CNTN5: variants seen among roughly 807,000 people sequenced by gnomAD.
CNTN5 encodes the protein contactin-5.
CNTN5 carries 77 observed loss-of-function variants against 129.1 expected under a neutral mutation model. That is an observed-to-expected ratio of 0.60 (90% CI 0.50 to 0.72). The LOEUF is 0.72. CNTN5 is among the 30% of genes least tolerant of loss of function. The probability of loss-of-function intolerance (pLI) is 0.00; values close to 1 mark genes in which losing one functional copy is unlikely to be tolerated. For missense variants in CNTN5, 1,478 were observed against 1,328.8 expected (o/e 1.11, Z -1.75); for synonymous variants, 509 against 465.6 (o/e 1.09, Z -1.20).
At chr11:99,307,603 A>G (rs1037663146) in intron 1 of CNTN5, among the ~76,000 whole-genome samples, 20 of 152,144 alleles carry the variant, frequency 1.3e-4, no homozygotes, top group Non-Finnish European at 1.5e-5. Context: ...CTCTAATATC[A>G]TGATTCAATC....
chr11:100,100,968 C>G (rs1057010514), intron 13 of CNTN5, among the ~76,000 whole-genome samples: 2 of 151,996 alleles, frequency 1.3e-5, no homozygotes, highest in Admixed American at 1.3e-4. Flanking sequence ...TACAAATTAT[C>G]GAAAAGATGT....
At chr11:99,585,175 T>C (rs1218163697) in intron 3 of CNTN5, among the ~76,000 whole-genome samples, 1 of 152,250 alleles carries the variant, frequency 6.6e-6, no homozygotes, top group African/African-American at 2.4e-5. Context: ...TTTTACAGTA[T>C]GAAAAGTTCA....
intron 2 of CNTN5, among the ~76,000 whole-genome samples, chr11:99,424,651 C>A (rs1345597436): frequency 6.6e-6 from 1 of 152,224 alleles, no homozygotes; most frequent in Non-Finnish European, 1.5e-5. Flanking sequence ...CTTGGAGATG[C>A]CAGGAATGGC....
At chr11:99,421,691 T>C (rs1460945386) in intron 2 of CNTN5, among the ~76,000 whole-genome samples, 1 of 152,126 alleles carries the variant, frequency 6.6e-6, no homozygotes, top group Admixed American at 6.5e-5. Context: ...TAAATATACA[T>C]TTAGGGGTAA....
intron 1 of CNTN5, among the ~76,000 whole-genome samples, chr11:99,274,194 T>A (rs1863314986): frequency 6.6e-6 from 1 of 151,688 alleles, no homozygotes; most frequent in Non-Finnish European, 1.5e-5. Context: ...GGCTTAATAG[T>A]TTAGGAGCAG....
chr11:99,151,957 C>T (rs537215988), intron 1 of CNTN5, among the ~76,000 whole-genome samples: 2 of 151,952 alleles, frequency 1.3e-5, no homozygotes, highest in South Asian at 2.1e-4. Flanking sequence ...CCCCATGGTA[C>T]GTGTATACCT....
intron 1 of CNTN5, among the ~76,000 whole-genome samples, chr11:99,199,532 C>G (rs1591348243): frequency 6.6e-6 from 1 of 152,320 alleles, no homozygotes; most frequent in African/African-American, 2.4e-5. Context: ...AGAGCTGATA[C>G]AGGCTGATCT....
At chr11:99,649,196 A>G (rs1177577930) in intron 3 of CNTN5, among the ~76,000 whole-genome samples, 1 of 151,744 alleles carries the variant, frequency 6.6e-6, no homozygotes. Context: ...AATAAATAAT[A>G]TTGAAAAATA....
At position 99,961,128 on chromosome 11, in the gene CNTN5, C is replaced by G. The variant is rs1205140386; in HGVS notation, c.877+4119C>G. On this transcript the variant is annotated intron_variant, in intron 8 of 24. Transcript: ENST00000524871. ...GCTGAGACAGGAGAATCTCTGGAACCCGGGAGGCGGATGCTGCAGTGAGCC... is the reference window on the plus strand; with the variant it reads ...GCTGAGACAGGAGAATCTCTGGAACGCGGGAGGCGGATGCTGCAGTGAGCC... Among the ~76,000 whole-genome samples the G allele has an allele frequency of 2.1e-5, 3 of 141,734 alleles. No individual in the cohort carries two copies. The East Asian group carries it at 6.6e-4, about 31-fold the overall frequency. The allele number at this position is 141,734 out of a possible 152,430, so 93.0% of individuals were successfully genotyped here. A position where few individuals can be genotyped will look rare whatever the true frequency, so the allele number is the denominator to read the frequency against.
intron 16 of CNTN5, among the ~76,000 whole-genome samples, chr11:100,232,136 AGAGT>A (rs1327578001): frequency 6.6e-6 from 1 of 152,166 alleles, no homozygotes. Flanking sequence ...CCTGGCCAAC[AGAGT>A]GAGACTGTCT....
At chr11:99,869,924 G>A (rs113408455) in intron 6 of CNTN5, among the ~76,000 whole-genome samples, 191 of 152,234 alleles carry the variant, frequency 1.3e-3, no homozygotes, top group African/African-American at 3.9e-3. Flanking sequence ...CCTCCTGGCT[G>A]ATGCAATATA....
intron 4 of CNTN5, among the ~76,000 whole-genome samples, chr11:99,832,023 A>C (rs950113041): frequency 3.3e-5 from 5 of 152,126 alleles, no homozygotes; most frequent in Non-Finnish European, 5.9e-5. Context: ...CTCCTTTGCA[A>C]AACTTCTTGA....
At chr11:99,146,725 C>G (rs118126399) in intron 1 of CNTN5, among the ~76,000 whole-genome samples, 7,205 of 152,004 alleles carry the variant, frequency 0.047, 194 homozygotes, top group Middle Eastern at 0.065. Context: ...AAAGAATACA[C>G]TTTTTATTTT....
chr11:100,181,674 C>A (rs1948143011), intron 13 of CNTN5, among the ~76,000 whole-genome samples: 1 of 151,872 alleles, frequency 6.6e-6, no homozygotes, highest in Non-Finnish European at 1.5e-5. Flanking sequence ...TTGGAGAATA[C>A]TGAGGAAAGC....
chr11:99,101,774 C>G (rs1866745001), intron 1 of CNTN5, among the ~76,000 whole-genome samples: 1 of 152,170 alleles, frequency 6.6e-6, no homozygotes, highest in Non-Finnish European at 1.5e-5. Context: ...TCGGCATTGT[C>G]TGTGACTTTT....
In CNTN5 at chr11:100,191,246, T is replaced by C. The variant is rs202064442; in HGVS notation, c.1701T>C (p.Ser567=). 5.0e-6 allele frequency: 8 copies of C among 1,612,018 alleles called. No homozygotes were observed. Among genetic ancestry groups the C allele is most frequent in the Middle Eastern group, 1.6e-4 (1 of 6,072 alleles). The part of the protein sequence containing the change: ...FGSAEIIASL[S]VKEPTRIELT... ...CTGCTGAAATTATAGCTTCGCTATCTGTAAAAGGTAAGACAGCACGGGTAA... is the reference window on the plus strand; with the variant it reads ...CTGCTGAAATTATAGCTTCGCTATCCGTAAAAGGTAAGACAGCACGGGTAA... Residue 567 remains serine, a synonymous_variant, in exon 14 of 25, where the codon TCT becomes TCC. Coordinates refer to ENST00000524871, the MANE Select transcript of CNTN5 (RefSeq NM_014361.4).
chr11:100,146,913 TAC>T (rs1946868661), intron 13 of CNTN5, among the ~76,000 whole-genome samples: 1 of 152,158 alleles, frequency 6.6e-6, no homozygotes, highest in African/African-American at 2.4e-5. Flanking sequence ...AAATAAAAGA[TAC>T]AGTCTCCATT....
chr11:99,278,028 G>A (rs975526401), intron 1 of CNTN5, among the ~76,000 whole-genome samples: 10 of 151,564 alleles, frequency 6.6e-5, no homozygotes, highest in African/African-American at 1.7e-4. Context: ...AATAATTCAC[G>A]TAAGTTGTTT....
At chr11:99,937,995 T>C (rs1950352940) in intron 7 of CNTN5, among the ~76,000 whole-genome samples, 1 of 152,318 alleles carries the variant, frequency 6.6e-6, no homozygotes, top group African/African-American at 2.4e-5. Context: ...TAAATACATA[T>C]CCTGCTTTCT....
Sources: gnomAD v4.1 joint callset for allele counts (sites outside exome capture counted in the v4.1 genomes callset) on GRCh38, gnomAD v4.1.1 for gene constraint, MANE v1.5 for transcripts, NCBI Gene and HGNC (gene_info 2026-07-23, HGNC 2026-07-21) for gene names.